The following ZFPM2 variants were observed in gnomAD, a reference collection of about 807,000 sequenced individuals.
ZFPM2 encodes the protein zinc finger protein, FOG family member 2, also known as zinc finger protein ZFPM2.
Under a neutral mutation model 98.6 loss-of-function variants are expected in ZFPM2, and 20 were observed. That is an observed-to-expected ratio of 0.20 (90% confidence interval 0.14 to 0.29). The LOEUF (loss-of-function observed/expected upper bound fraction) is 0.29, where lower values mean the gene tolerates loss of function less well. Among genes scored for constraint, ZFPM2 ranks in the 10% least tolerant of loss-of-function variants. The pLI, the probability that ZFPM2 is intolerant of heterozygous loss-of-function variation, is 1.00. For missense variants in ZFPM2, 1,310 were observed against 1,388.6 expected (o/e 0.94, Z 0.90); for synonymous variants, 518 against 502.7 (o/e 1.03, Z -0.41).
rs79432307 is a variant in ZFPM2 at position 105,357,773 on chromosome 8, C to T, written c.40+38792C>T. ...CAATAACTGACTTTGGAAGTGAACA[C>T]GTTAGTAAAAGGAAGGACGTGTAAG... is the stretch of plus-strand genomic sequence containing the variant. On this transcript the variant is annotated intron_variant, in intron 1 of 7. Transcript: ENST00000407775. Among the ~76,000 whole-genome samples the T allele has an allele frequency of 3.9e-5, 6 of 152,194 alleles. No individual in the cohort carries two copies. In the East Asian group the frequency reaches 1.2e-3, roughly 29 times the overall value.
At chr8:105,535,796 G>A (rs1814438705) in intron 3 of ZFPM2, among the ~76,000 whole-genome samples, 1 of 152,162 alleles carries the variant, frequency 6.6e-6, no homozygotes, top group Admixed American at 6.5e-5. Flanking sequence ...TACATGGGAT[G>A]CTAGAGATTT....
At chr8:105,617,384 C>T (rs974907666) in intron 4 of ZFPM2, among the ~76,000 whole-genome samples, 3 of 152,084 alleles carry the variant, frequency 2.0e-5, no homozygotes, top group Non-Finnish European at 2.9e-5. Context: ...ATCCAGTCTA[C>T]CTGTGAGCAA....
intron 4 of ZFPM2, among the ~76,000 whole-genome samples, chr8:105,584,797 C>T (rs745867020): frequency 3.3e-5 from 5 of 152,112 alleles, no homozygotes; most frequent in Non-Finnish European, 7.4e-5. Flanking sequence ...CTGTATCTCA[C>T]CACTGGAGTT....
chr8:105,692,122 T>TTTA (rs1374352897), intron 5 of ZFPM2, among the ~76,000 whole-genome samples: 1 of 152,168 alleles, frequency 6.6e-6, no homozygotes, highest in Non-Finnish European at 1.5e-5. Context: ...TGAGTTGTGA[T>TTTA]TTATTTAGTT....
intron 3 of ZFPM2, among the ~76,000 whole-genome samples, chr8:105,466,614 G>A (rs1399295866): frequency 1.3e-5 from 2 of 152,044 alleles, no homozygotes; most frequent in Non-Finnish European, 2.9e-5. Context: ...ACAATACAGA[G>A]GGGGTACATT....
intron 4 of ZFPM2, among the ~76,000 whole-genome samples, chr8:105,633,200 T>A (rs1183589066): frequency 1.3e-5 from 2 of 152,236 alleles, no homozygotes; most frequent in East Asian, 3.8e-4. Context: ...AAATTTGTGA[T>A]AGCATGCATC....
chr8:105,596,114 A>G (rs1815964818), intron 4 of ZFPM2, among the ~76,000 whole-genome samples: 1 of 152,030 alleles, frequency 6.6e-6, no homozygotes, highest in South Asian at 2.1e-4. Flanking sequence ...CACCCTGTTA[A>G]GATTTATGGC....
Position 105,419,299 on chromosome 8 carries a change from A to C in ZFPM2, c.196A>C (p.Lys66Gln). Residue 66 changes from lysine (K) to glutamine (Q), a missense_variant, in exon 2 of 8, where the codon AAA (lysine) becomes CAA (glutamine). Lys to Gln is a moderately conservative substitution (Grantham distance 53). Coordinates refer to ENST00000407775, the MANE Select transcript of ZFPM2 (RefSeq NM_012082.4). The part of the protein sequence containing the change: ...SCEEVEYFCN[K>Q]GDDEGIQETA... Reference sequence around the variant, plus strand: ...CGAAGAAGTGGAATACTTTTGTAACAAAGGTAATTGTTGATGGTTGGATGT... The same window carrying C: ...CGAAGAAGTGGAATACTTTTGTAACCAAGGTAATTGTTGATGGTTGGATGT... 1 of 1,613,212 alleles carries C rather than the reference A, an allele frequency of 6.2e-7. No homozygotes were observed. Among genetic ancestry groups the C allele is most frequent in the Admixed American group, 1.7e-5 (1 of 59,904 alleles).
intron 5 of ZFPM2, among the ~76,000 whole-genome samples, chr8:105,752,152 G>A (rs1586239314): frequency 6.6e-6 from 1 of 152,114 alleles, no homozygotes; most frequent in South Asian, 2.1e-4. Flanking sequence ...TATTCATAAT[G>A]TACTGCTCAT....
intron 3 of ZFPM2, among the ~76,000 whole-genome samples, chr8:105,480,398 A>G (rs1402972591): frequency 6.6e-6 from 1 of 152,212 alleles, no homozygotes; most frequent in African/African-American, 2.4e-5. Context: ...TGAGCCTACA[A>G]ATATAACTAT....
In ZFPM2 at chr8:105,658,353, C is replaced by T. The variant is rs1457637668; in HGVS notation, c.532+23996C>T. ...CCTGTAATCCCAGCACTTTGGGAGG[C>T]CGAGGCGGGTGGATCACGAGGTCAG... On this transcript the variant is annotated intron_variant, in intron 5 of 7. Transcript: ENST00000407775. Among the ~76,000 whole-genome samples the T allele has an allele frequency of 9.5e-5, 4 of 42,080 alleles. 2 individuals are homozygous for T. The highest frequency in any genetic ancestry group is 1.9e-4 in the Non-Finnish European group (4 of 21,132). 27.6% of individuals were successfully genotyped at this position (42,080 alleles called of 152,430 possible). A position where few individuals can be genotyped will look rare whatever the true frequency, so the allele number is the denominator to read the frequency against.
intron 2 of ZFPM2, among the ~76,000 whole-genome samples, chr8:105,424,196 T>C (rs962155785): frequency 1.3e-5 from 2 of 152,190 alleles, no homozygotes; most frequent in African/African-American, 4.8e-5. Flanking sequence ...TAAGTCAACT[T>C]TGAATTATCT....
At chr8:105,353,447 T>C (rs1392099808) in intron 1 of ZFPM2, among the ~76,000 whole-genome samples, 2 of 152,228 alleles carry the variant, frequency 1.3e-5, no homozygotes, top group Non-Finnish European at 2.9e-5. Context: ...TTTTTGTTGT[T>C]GTTGTTGTTA....
At chr8:105,562,342 AAATAAATAAATAAAT>A (rs1479371972) in intron 4 of ZFPM2, among the ~76,000 whole-genome samples, 4,184 of 83,328 alleles carry the variant, frequency 0.05, 198 homozygotes, top group African/African-American at 0.22. Context: ...ATAAATAAAT[AAATAAATAAATAAAT>A]GGAAAGGTAG....
At chr8:105,748,231 T>A (rs1812394055) in intron 5 of ZFPM2, among the ~76,000 whole-genome samples, 1 of 152,050 alleles carries the variant, frequency 6.6e-6, no homozygotes, top group Admixed American at 6.6e-5. Context: ...TCAGTTTATC[T>A]ACTTCTTTGC....
chr8:105,657,073 T>G, intron 5 of ZFPM2, among the ~76,000 whole-genome samples: 1 of 152,304 alleles, frequency 6.6e-6, no homozygotes, highest in East Asian at 1.9e-4. Flanking sequence ...TAACAATTTA[T>G]ATTTAATATA....
chr8:105,541,625 C>G (rs1032057034), intron 3 of ZFPM2, among the ~76,000 whole-genome samples: 18 of 152,228 alleles, frequency 1.2e-4, no homozygotes, highest in African/African-American at 4.1e-4. Context: ...CACCTAAGGC[C>G]ATACCTACAC....
intron 3 of ZFPM2, among the ~76,000 whole-genome samples, chr8:105,535,649 G>T (rs1348728567): frequency 6.6e-6 from 1 of 152,126 alleles, no homozygotes; most frequent in African/African-American, 2.4e-5. Flanking sequence ...GGCCTAGAAG[G>T]ACTGTGAGGT....
intron 5 of ZFPM2, among the ~76,000 whole-genome samples, chr8:105,718,621 C>T (rs991112882): frequency 2.0e-5 from 3 of 151,740 alleles, no homozygotes; most frequent in Non-Finnish European, 2.9e-5. Flanking sequence ...GAAAATTATC[C>T]GGTGTTAATA....
Sources: allele counts gnomAD v4.1 joint callset (sites outside exome capture counted in the v4.1 genomes callset), GRCh38; gene constraint gnomAD v4.1.1; transcripts MANE v1.5; gene names NCBI Gene and HGNC (gene_info 2026-07-23, HGNC 2026-07-21).